The following EPHB1 variants were observed in gnomAD, a reference collection of about 807,000 sequenced individuals.
EPHB1 encodes ephrin type-B receptor 1.
A neutral mutation model predicts 94.4 loss-of-function variants in EPHB1; 30 were observed. That is an observed-to-expected ratio of 0.32 (90% CI 0.24 to 0.43). EPHB1 has a LOEUF of 0.43. Ranked by LOEUF, EPHB1 falls within the 20% of genes least tolerant of loss-of-function variation. The pLI is 1.00. For missense variants in EPHB1, 1,055 were observed against 1,308.3 expected, an observed-to-expected ratio of 0.81 and a Z score of 2.99; for synonymous variants, 522 against 489.1, an observed-to-expected ratio of 1.07 and a Z score of -0.89.
In EPHB1 at chr3:135,010,858, G is replaced by A. The variant is rs36060; in HGVS notation, c.805+58806G>A. 3.4e-3 allele frequency among the ~76,000 whole-genome samples: 510 copies of A among 152,106 alleles called. 3 individuals carry two copies. Among genetic ancestry groups the A allele is most frequent in the African/African-American group, 0.012 (488 of 41,522 alleles). ...ATTACAGGAGTGAGCCACCGTGCCC[G>A]GCCGAGGGTCTGTATTTCTAACACC... On this transcript the variant is annotated intron_variant, in intron 3 of 15. Coordinates refer to ENST00000398015, the MANE Select transcript of EPHB1 (RefSeq NM_004441.5).
chr3:135,073,707 C>T (rs1937806815), intron 3 of EPHB1, among the ~76,000 whole-genome samples: 1 of 152,042 alleles, frequency 6.6e-6, no homozygotes, highest in East Asian at 1.9e-4. Context: ...CTAAGAAGTT[C>T]CTTAAACTGC....
chr3:134,798,481 C>G (rs970352145), intron 1 of EPHB1, among the ~76,000 whole-genome samples: 1 of 152,128 alleles, frequency 6.6e-6, no homozygotes, highest in South Asian at 2.1e-4. Context: ...TCCCTCCTTT[C>G]CCCCCACACT....
intron 3 of EPHB1, among the ~76,000 whole-genome samples, chr3:135,024,352 G>C (rs1559798937): frequency 6.6e-6 from 1 of 152,100 alleles, no homozygotes; most frequent in Non-Finnish European, 1.5e-5. Flanking sequence ...ATGAAAACAG[G>C]GCTCTAGTGT....
intron 3 of EPHB1, among the ~76,000 whole-genome samples, chr3:134,962,276 GTAGAA>G (rs1380677163): frequency 6.6e-6 from 1 of 152,172 alleles, no homozygotes; most frequent in African/African-American, 2.4e-5. Flanking sequence ...AAGCATTCCA[GTAGAA>G]TGCATTAAGT....
At chr3:134,817,160 C>T (rs2036288305) in intron 1 of EPHB1, among the ~76,000 whole-genome samples, 1 of 151,966 alleles carries the variant, frequency 6.6e-6, no homozygotes, top group Admixed American at 6.6e-5. Context: ...TTCTGTAAAC[C>T]ATGGACTATG....
At chr3:135,048,954 T>C (rs1448993525) in intron 3 of EPHB1, among the ~76,000 whole-genome samples, 1 of 152,242 alleles carries the variant, frequency 6.6e-6, no homozygotes, top group Non-Finnish European at 1.5e-5. Flanking sequence ...CTGGGAGTTC[T>C]AGCCCCTGTG....
At chr3:134,893,409 A>C (rs2038025955) in intron 1 of EPHB1, among the ~76,000 whole-genome samples, 1 of 152,172 alleles carries the variant, frequency 6.6e-6, no homozygotes, top group Admixed American at 6.5e-5. Flanking sequence ...ATCCAAACAA[A>C]GAACAACCTT....
intron 1 of EPHB1, among the ~76,000 whole-genome samples, chr3:134,852,307 G>T (rs2037005749): frequency 6.6e-6 from 1 of 152,166 alleles, no homozygotes; most frequent in South Asian, 2.1e-4. Context: ...TTCACAGATG[G>T]CTCTGTCAAA....
At chr3:134,954,276 C>T (rs2107717243) in intron 3 of EPHB1, among the ~76,000 whole-genome samples, 1 of 152,284 alleles carries the variant, frequency 6.6e-6, no homozygotes, top group Middle Eastern at 3.4e-3. Flanking sequence ...GCAAGGGGAC[C>T]TTCGAGCAAA....
intron 3 of EPHB1, among the ~76,000 whole-genome samples, chr3:135,026,495 C>T (rs1936177587): frequency 6.7e-6 from 1 of 148,938 alleles, no homozygotes; most frequent in Admixed American, 6.7e-5. Flanking sequence ...GCTTGTTTTT[C>T]TCAGGTTTGT....
At chr3:135,179,725 A>G in intron 9 of EPHB1, 135 bp from the exon 10 acceptor site, 1 of 936,312 alleles carries the variant, frequency 1.1e-6, no homozygotes, top group South Asian at 1.6e-5. Flanking sequence ...AGAGGAGGAG[A>G]GGCAGAGAAA....
At chr3:135,176,649 G>A (rs368789830) in intron 9 of EPHB1, among the ~76,000 whole-genome samples, 8 of 152,128 alleles carry the variant, frequency 5.3e-5, no homozygotes, top group African/African-American at 1.4e-4. Context: ...ACTTATTTGC[G>A]CATTACTGGC....
At chr3:135,192,049 C>T (rs1277204344) in intron 10 of EPHB1, among the ~76,000 whole-genome samples, 1 of 151,838 alleles carries the variant, frequency 6.6e-6, no homozygotes, top group East Asian at 1.9e-4. Flanking sequence ...CACAAGTGAA[C>T]CTCTTCCCTT....
chr3:135,097,743 A>G (rs1333771690), intron 3 of EPHB1, among the ~76,000 whole-genome samples: 2 of 152,192 alleles, frequency 1.3e-5, no homozygotes, highest in South Asian at 2.1e-4. Context: ...TGCACAGGCC[A>G]TTACAGCTGG....
chr3:134,859,276 C>T (rs973478578), intron 1 of EPHB1, among the ~76,000 whole-genome samples: 1 of 152,152 alleles, frequency 6.6e-6, no homozygotes, highest in African/African-American at 2.4e-5. Flanking sequence ...GACCGACCGG[C>T]AGAGAAGAGT....
intron 1 of EPHB1, among the ~76,000 whole-genome samples, chr3:134,832,845 T>C (rs2036603553): frequency 6.6e-6 from 1 of 152,206 alleles, no homozygotes; most frequent in Non-Finnish European, 1.5e-5. Flanking sequence ...GAACCACAAA[T>C]AATTGAAAAG....
At chr3:135,245,538 C>CAAAAAAA (rs1205474985) in intron 13 of EPHB1, among the ~76,000 whole-genome samples, 3 of 118,474 alleles carry the variant, frequency 2.5e-5, no homozygotes, top group African/African-American at 1.0e-4. Context: ...AAAAAAAAAT[C>CAAAAAAA]GGCCCGTGCC....
intron 3 of EPHB1, among the ~76,000 whole-genome samples, chr3:135,094,581 G>A (rs942916795): frequency 1.3e-5 from 2 of 152,180 alleles, no homozygotes; most frequent in African/African-American, 2.4e-5. Context: ...CTGCTTCCTG[G>A]GTGACCTAAG....
At chr3:135,079,457 T>C (rs1181166921) in intron 3 of EPHB1, among the ~76,000 whole-genome samples, 4 of 152,210 alleles carry the variant, frequency 2.6e-5, no homozygotes, top group African/African-American at 7.2e-5. Flanking sequence ...AACTGGTTCT[T>C]GTAGAGACTT....
Sources: gnomAD v4.1 joint callset for allele counts (sites outside exome capture counted in the v4.1 genomes callset) on GRCh38, gnomAD v4.1.1 for gene constraint, MANE v1.5 for transcripts, NCBI Gene and HGNC (gene_info 2026-07-23, HGNC 2026-07-21) for gene names.